The following CNTNAP2 variants were observed in gnomAD, a reference collection of about 807,000 sequenced individuals.
The protein encoded by CNTNAP2 is contactin associated protein 2.
In CNTNAP2, 98 loss-of-function variants were observed where a neutral mutation model predicts 155.2. The ratio of observed to expected loss-of-function variants is 0.63; its 90% CI spans 0.54 to 0.75. The LOEUF is 0.75. Ranked by LOEUF, CNTNAP2 falls within the 30% of genes least tolerant of loss-of-function variation. CNTNAP2 has a pLI of 0.00. For missense variants in CNTNAP2, 1,727 were observed against 1,688.1 expected (o/e 1.02, Z -0.40); for synonymous variants, 651 against 631.2 (o/e 1.03, Z -0.47).
chr7:147,731,582 A>G (rs1458788700), intron 13 of CNTNAP2, among the ~76,000 whole-genome samples: 1 of 152,144 alleles, frequency 6.6e-6, no homozygotes, highest in Admixed American at 6.6e-5. Context: ...CAAGAAGATT[A>G]ATGTTGTTTT....
At chr7:148,038,896 G>C (rs1802620062) in intron 15 of CNTNAP2, among the ~76,000 whole-genome samples, 2 of 152,056 alleles carry the variant, frequency 1.3e-5, no homozygotes. Context: ...AATTTATTAG[G>C]GGAATTGGCT....
chr7:147,968,765 A>G (rs1437236259), intron 14 of CNTNAP2, among the ~76,000 whole-genome samples: 2 of 151,916 alleles, frequency 1.3e-5, no homozygotes, highest in Non-Finnish European at 2.9e-5. Context: ...TCTCCCATTC[A>G]CCCTCCACCA....
chr7:148,211,833 T>A (rs1795557133), intron 18 of CNTNAP2, among the ~76,000 whole-genome samples: 1 of 152,186 alleles, frequency 6.6e-6, no homozygotes, highest in Admixed American at 6.5e-5. Flanking sequence ...AAACTCACCA[T>A]CATTTAAAAC....
intron 18 of CNTNAP2, among the ~76,000 whole-genome samples, chr7:148,210,643 C>T (rs1186959950): frequency 6.6e-6 from 1 of 152,168 alleles, no homozygotes; most frequent in Non-Finnish European, 1.5e-5. Context: ...TGTACAGATT[C>T]AGACACTTAA....
chr7:147,764,115 T>C (rs1355867234), intron 13 of CNTNAP2, among the ~76,000 whole-genome samples: 1 of 152,080 alleles, frequency 6.6e-6, no homozygotes, highest in African/African-American at 2.4e-5. Flanking sequence ...ATCTCGTGTA[T>C]TCCAACCCTG....
chr7:148,148,789 A>G (rs1166083495), intron 17 of CNTNAP2, among the ~76,000 whole-genome samples: 2 of 152,224 alleles, frequency 1.3e-5, no homozygotes, highest in African/African-American at 4.8e-5. Flanking sequence ...GCCAACTACA[A>G]AACAAAGGTG....
intron 14 of CNTNAP2, among the ~76,000 whole-genome samples, chr7:147,948,925 A>T (rs1341018854): frequency 6.6e-6 from 1 of 152,122 alleles, no homozygotes; most frequent in Admixed American, 6.5e-5. Context: ...ATAATGGCCA[A>T]GCACGGTGGC....
At chr7:147,307,697 C>T (rs1234428782) in intron 9 of CNTNAP2, among the ~76,000 whole-genome samples, 1 of 152,200 alleles carries the variant, frequency 6.6e-6, no homozygotes, top group Non-Finnish European at 1.5e-5. Flanking sequence ...TTTCTCTACA[C>T]TGGCTGAAAT....
At chr7:146,738,019 C>A (rs1361940511) in intron 1 of CNTNAP2, among the ~76,000 whole-genome samples, 1 of 152,026 alleles carries the variant, frequency 6.6e-6, no homozygotes, top group East Asian at 1.9e-4. Context: ...GATTTCACTT[C>A]CTTTGGAATA....
At chr7:146,778,289 C>A (rs1369366862) in intron 2 of CNTNAP2, among the ~76,000 whole-genome samples, 1 of 152,156 alleles carries the variant, frequency 6.6e-6, no homozygotes, top group Admixed American at 6.5e-5. Flanking sequence ...ATTCAAATGA[C>A]AGATTGTCAC....
intron 18 of CNTNAP2, among the ~76,000 whole-genome samples, chr7:148,201,274 G>T (rs1321303043): frequency 6.6e-6 from 1 of 152,178 alleles, no homozygotes; most frequent in Non-Finnish European, 1.5e-5. Context: ...TGCTAGGAAG[G>T]CAAGAGAAAG....
At chr7:146,499,472 A>C (rs1797268346) in intron 1 of CNTNAP2, among the ~76,000 whole-genome samples, 1 of 152,198 alleles carries the variant, frequency 6.6e-6, no homozygotes, top group African/African-American at 2.4e-5. Flanking sequence ...TTTGGTAGTA[A>C]GTTTTAAATT....
chr7:147,753,099 A>G (rs1017601510), intron 13 of CNTNAP2, among the ~76,000 whole-genome samples: 27 of 152,314 alleles, frequency 1.8e-4, no homozygotes, highest in African/African-American at 5.3e-4. Context: ...AACATAATCC[A>G]TTATACATAG....
Position 148,068,970 on chromosome 7 carries a change from T to C in CNTNAP2, c.2384-49148T>C, listed in dbSNP as rs143636783. ...TCTGAAGACCCTAGACTACCAACTCTGTCTCCTCAAGTAAGGAGCTCACCA... is the reference window on the plus strand; with the variant it reads ...TCTGAAGACCCTAGACTACCAACTCCGTCTCCTCAAGTAAGGAGCTCACCA... On this transcript the variant is annotated intron_variant, in intron 15 of 23. Coordinates refer to ENST00000361727, the MANE Select transcript of CNTNAP2 (RefSeq NM_014141.6). 9.8e-5 allele frequency among the ~76,000 whole-genome samples: 15 copies of C among 152,356 alleles called. No homozygotes were observed. In the East Asian group the frequency reaches 1.9e-3, roughly 20 times the overall value.
At chr7:147,559,860 G>A (rs144007091) in intron 11 of CNTNAP2, among the ~76,000 whole-genome samples, 3 of 121,236 alleles carry the variant, frequency 2.5e-5, no homozygotes, top group African/African-American at 6.5e-5. Context: ...ATGTCTTGCC[G>A]ATCTTAAAAA....
At chr7:148,304,639 A>C (rs939960000) in intron 21 of CNTNAP2, among the ~76,000 whole-genome samples, 1 of 152,162 alleles carries the variant, frequency 6.6e-6, no homozygotes, top group African/African-American at 2.4e-5. Flanking sequence ...GGTGCTGAAA[A>C]AACTTTATCT....
At chr7:147,942,851 C>T (rs1050476165) in intron 14 of CNTNAP2, among the ~76,000 whole-genome samples, 10 of 152,018 alleles carry the variant, frequency 6.6e-5, no homozygotes, top group African/African-American at 2.4e-4. Flanking sequence ...TCCTGGCTAA[C>T]ACGGTGAAAC....
chr7:146,225,266 C>A (rs763004984), intron 1 of CNTNAP2, among the ~76,000 whole-genome samples: 2 of 152,040 alleles, frequency 1.3e-5, no homozygotes, highest in African/African-American at 4.8e-5. Context: ...TAAACTACAT[C>A]AAATAAAGGC....
intron 18 of CNTNAP2, among the ~76,000 whole-genome samples, chr7:148,198,257 A>G (rs1795308106): frequency 6.6e-6 from 1 of 152,178 alleles, no homozygotes; most frequent in South Asian, 2.1e-4. Flanking sequence ...GGGATGGGCA[A>G]TTCATAGCAA....
Sources: gnomAD v4.1 joint callset for allele counts (sites outside exome capture counted in the v4.1 genomes callset) on GRCh38, gnomAD v4.1.1 for gene constraint, MANE v1.5 for transcripts, NCBI Gene and HGNC (gene_info 2026-07-23, HGNC 2026-07-21) for gene names.